Variants in LAMB2 observed in about 807,000 individuals in gnomAD.
The protein encoded by LAMB2 is laminin subunit beta 2.
LAMB2 carries 119 observed loss-of-function variants against 202.7 expected under a neutral mutation model. The ratio of observed to expected loss-of-function variants is 0.59; its 90% CI spans 0.51 to 0.68. LAMB2 has a LOEUF of 0.68. LAMB2 is among the 30% of genes least tolerant of loss of function. The probability of loss-of-function intolerance (pLI) is 0.00; values close to 1 mark genes in which losing one functional copy is unlikely to be tolerated. For missense variants in LAMB2, 2,124 were observed against 2,410.6 expected (o/e 0.88, Z 2.49); for synonymous variants, 818 against 902.2 (o/e 0.91, Z 1.67).
chr3:49,130,448 G>A lies in LAMB2; in HGVS notation c.1037-29C>T. The A allele has an allele frequency of 1.2e-6, 2 of 1,612,814 alleles. No individual in the cohort carries two copies. Among genetic ancestry groups the A allele is most frequent in the South Asian group, 2.2e-5 (2 of 91,052 alleles). ...GCAGGGGAGGAAGGGCAGGGCAAAG[G>A]CCACATGAGGAACCAGGTCACAAGG... On this transcript the variant is annotated intron_variant, in intron 8 of 31. Coordinates refer to ENST00000305544, the MANE Select transcript of LAMB2 (RefSeq NM_002292.4). The surrounding 1 kb of genome is among the most constrained non-coding windows in gnomAD (Gnocchi z 5.0).
At position 49,122,062 on chromosome 3, in the gene LAMB2, T is replaced by G. The variant is rs759468739; in HGVS notation, c.4805A>C (p.Gln1602Pro). 1.1e-5 allele frequency: 18 copies of G among 1,613,586 alleles called. 1 individual carries two copies. The South Asian group carries it at 1.9e-4, about 17-fold the overall frequency. ...TGCTGCCTGTACTGTCTCTGCCTTCTGTTTCTCATCCTCAGCCCAGCTCCT... is the reference window on the plus strand; with the variant it reads ...TGCTGCCTGTACTGTCTCTGCCTTCGGTTTCTCATCCTCAGCCCAGCTCCT... ...RARSWAEDEK[Q>P]KAETVQAALE... Residue 1602 changes from glutamine to proline, a missense_variant, in exon 29 of 32, where the codon CAG becomes CCG. Gln to Pro is a moderately conservative substitution (Grantham distance 76). This residue lies in a region of LAMB2 where 1,702 missense variants were observed against 1,896.3 expected (regional missense o/e 0.90). Coordinates refer to ENST00000305544, the MANE Select transcript of LAMB2 (RefSeq NM_002292.4).
Position 49,129,528 on chromosome 3 carries a change from G to T in LAMB2, c.1518+76C>A. 2.4e-6 allele frequency: 3 copies of T among 1,267,456 alleles called. No homozygotes were observed. The highest frequency in any genetic ancestry group is 3.4e-6 in the Non-Finnish European group (3 of 876,454). 78.5% of individuals were successfully genotyped at this position (1,267,456 alleles called of 1,614,324 possible). A position where few individuals can be genotyped will look rare whatever the true frequency, so the allele number is the denominator to read the frequency against. ...CTAAGCTCTCAGCACCCACCCACTG[G>T]CATAGATGTGACACCCCAGCCCTGT... On this transcript the variant is annotated intron_variant, in intron 11 of 31. Transcript: ENST00000305544. This position sits in a 1 kb window ranked among gnomAD's most constrained non-coding sequence, Gnocchi z 6.1.
At chr3:49,126,762 A>G (rs2107640836) in intron 15 of LAMB2, among the ~76,000 whole-genome samples, 1 of 152,270 alleles carries the variant, frequency 6.6e-6, no homozygotes, top group South Asian at 2.1e-4. Flanking sequence ...TGGAAATCCC[A>G]AGAACTTGCC....
At position 49,131,262 on chromosome 3, in the gene LAMB2, C is replaced by T; in HGVS notation, c.713-110G>A. Reference sequence around the variant, plus strand: ...TTGAAAGACCTCCTATACACTGCCACCCGAGCTAAACTGGGCTTGGCACCT... The same window carrying T: ...TTGAAAGACCTCCTATACACTGCCATCCGAGCTAAACTGGGCTTGGCACCT... On this transcript the variant is annotated intron_variant, in intron 6 of 31. Coordinates refer to ENST00000305544, the MANE Select transcript of LAMB2 (RefSeq NM_002292.4). This position sits in a 1 kb window ranked among gnomAD's most constrained non-coding sequence, Gnocchi z 5.0. 1 of 1,462,986 alleles carries T rather than the reference C, an allele frequency of 6.8e-7. No individual in the cohort carries two copies. Among genetic ancestry groups the T allele is most frequent in the Non-Finnish European group, 9.5e-7 (1 of 1,054,622 alleles). The allele number at this position is 1,462,986 out of a possible 1,614,324, so 90.6% of individuals were successfully genotyped here.
rs138816491 is a variant in LAMB2, at chr3:49,121,764, G to C, written c.5020C>G (p.Arg1674Gly). Residue 1674 changes from arginine to glycine, a missense_variant, in exon 30 of 32, where the codon CGG becomes GGG. Physicochemically the swap from Arg to Gly is moderately radical, Grantham distance 125. This residue lies in a region of LAMB2 where 1,702 missense variants were observed against 1,896.3 expected (regional missense o/e 0.90). Transcript: ENST00000305544. ...GAGGCTGCCAGACTATTTCCTGCCCGTTTCAATTTCAGAGCCTCCAGGAGA... is the reference window on the plus strand; with the variant it reads ...GAGGCTGCCAGACTATTTCCTGCCCCTTTCAATTTCAGAGCCTCCAGGAGA... ...DALLEALKLKRAGNSLAASTA... is the reference protein window; with the variant it reads ...DALLEALKLKGAGNSLAASTA... 1 of 1,613,438 alleles carries C rather than the reference G, an allele frequency of 6.2e-7. No individual in the cohort carries two copies. The highest frequency in any genetic ancestry group is 1.3e-5 in the African/African-American group (1 of 75,000).
Position 49,128,599 on chromosome 3 carries a change from A to G in LAMB2, c.1891-14T>C, listed in dbSNP as rs2107642251. The G allele has an allele frequency of 6.2e-7, 1 of 1,614,220 alleles. No homozygotes were observed. The highest frequency in any genetic ancestry group is 2.2e-5 in the East Asian group (1 of 44,892). ...TTGCTCAGGGACCTGGGAAAACGGG[A>G]TGATGGAGGAGATGCTCCCACACCC... On this transcript the variant is annotated splice_polypyrimidine_tract_variant and intron_variant, in intron 14 of 31. Transcript: ENST00000305544.
chr3:49,122,651 C>G, intron 27 of LAMB2, 53 bp downstream of exon 27: 1 of 1,424,720 alleles, frequency 7.0e-7, no homozygotes, highest in Non-Finnish European at 9.9e-7. Flanking sequence ...ATACAGACAC[C>G]GGGAGTTGCC....
Position 49,128,654 on chromosome 3 carries a change from G to A in LAMB2, c.1890+7C>T. 6.2e-7 allele frequency: 1 copy of A among 1,614,156 alleles called. No individual in the cohort carries two copies. The highest frequency in any genetic ancestry group is 8.5e-7 in the Non-Finnish European group (1 of 1,180,020). The stretch of plus-strand genomic sequence containing the variant: ...GTTCAGCCCCAGATTAGATAACAGG[G>A]TCTAACCTGGGGCTCTAAGCGCAGC... On this transcript the variant is annotated splice_region_variant and intron_variant, in intron 14 of 31. Coordinates refer to ENST00000305544, the MANE Select transcript of LAMB2 (RefSeq NM_002292.4).
In LAMB2 at chr3:49,131,768, C is replaced by A. The variant is rs554290695; in HGVS notation, c.460-45G>T. ...TGATCAGCAGGCACCAGGACCCAAG[C>A]CCAACCCAGAGCCATCAAGAGCCCT... is the stretch of plus-strand genomic sequence containing the variant. On this transcript the variant is annotated intron_variant, in intron 4 of 31. Transcript: ENST00000305544. The surrounding 1 kb of genome is among the most constrained non-coding windows in gnomAD (Gnocchi z 5.0). The A allele has an allele frequency of 6.9e-6, 11 of 1,602,072 alleles. No homozygotes were observed. The African/African-American group carries it at 1.5e-4, about 21-fold the overall frequency.
In LAMB2 at chr3:49,125,732, G is replaced by A. The variant is rs1575533565; in HGVS notation, c.2488+15C>T. On this transcript the variant is annotated intron_variant, in intron 18 of 31. Transcript: ENST00000305544. Reference sequence around the variant, plus strand: ...GAGAGAGAAGCATAGGAGGGAACAAGGGGCAGAAGAGTACCTTGACAGCCT... The same window carrying A: ...GAGAGAGAAGCATAGGAGGGAACAAAGGGCAGAAGAGTACCTTGACAGCCT... The A allele has an allele frequency of 3.7e-6, 6 of 1,612,520 alleles. No homozygotes were observed. Among genetic ancestry groups the A allele is most frequent in the Admixed American group, 3.3e-5 (2 of 59,924 alleles).
Position 49,130,528 on chromosome 3 carries a change from G to T in LAMB2, c.1037-109C>A, listed in dbSNP as rs908924191. ...CACAGGCCAGAATTTGTGGGTAGGG[G>T]CTCAGGGACTTCAAGGCCTCAGCAT... On this transcript the variant is annotated intron_variant, in intron 8 of 31. Coordinates refer to ENST00000305544, the MANE Select transcript of LAMB2 (RefSeq NM_002292.4). This position sits in a 1 kb window ranked among gnomAD's most constrained non-coding sequence, Gnocchi z 5.0. 11 of 1,415,986 alleles carry T rather than the reference G, an allele frequency of 7.8e-6. No individual in the cohort carries two copies. The highest frequency in any genetic ancestry group is 1.1e-5 in the Non-Finnish European group (11 of 1,006,808). The allele number at this position is 1,415,986 out of a possible 1,614,324, so 87.7% of individuals were successfully genotyped here. A position where few individuals can be genotyped will look rare whatever the true frequency, so the allele number is the denominator to read the frequency against.
In LAMB2 at chr3:49,128,596, G is replaced by C; in HGVS notation, c.1891-11C>G. The C allele has an allele frequency of 6.2e-7, 1 of 1,614,214 alleles. No individual in the cohort carries two copies. ...CCATTGCTCAGGGACCTGGGAAAAC[G>C]GGATGATGGAGGAGATGCTCCCACA... On this transcript the variant is annotated splice_polypyrimidine_tract_variant and intron_variant, in intron 14 of 31. Transcript: ENST00000305544.
chr3:49,123,320 GAC>G lies in LAMB2; in HGVS notation c.4034_4035del (p.Arg1345ProfsTer11). 6.2e-7 allele frequency: 1 copy of G among 1,614,068 alleles called. No individual in the cohort carries two copies. Among genetic ancestry groups the G allele is most frequent in the Non-Finnish European group, 8.5e-7 (1 of 1,180,022 alleles). On this transcript the variant is annotated frameshift_variant, in exon 26 of 32. Coordinates refer to ENST00000305544, the MANE Select transcript of LAMB2 (RefSeq NM_002292.4). LOFTEE classifies it high-confidence loss of function. ...HAHSQSAEAE[R>X]RANTSALAVP... ...ACTGCCAGGGCTGAGGTATTGGCACGACGTTCTGCCTCTGCAGACTGGCTATG... is the reference window on the plus strand; with the variant it reads ...ACTGCCAGGGCTGAGGTATTGGCACGGTTCTGCCTCTGCAGACTGGCTATG...
In LAMB2 at chr3:49,130,665, A is replaced by G. The variant is rs2045470509; in HGVS notation, c.1036+75T>C. 2 of 1,604,300 alleles carry G rather than the reference A, an allele frequency of 1.2e-6. No homozygotes were observed. The highest frequency in any genetic ancestry group is 1.3e-5 in the African/African-American group (1 of 74,824). On this transcript the variant is annotated intron_variant, in intron 8 of 31. Coordinates refer to ENST00000305544, the MANE Select transcript of LAMB2 (RefSeq NM_002292.4). This position sits in a 1 kb window ranked among gnomAD's most constrained non-coding sequence, Gnocchi z 5.0. ...AGCCTGGGTTTTAGGGGCTTGACCA[A>G]CTAGCTCTAGGTTCTACCCAGGGCA... is the stretch of plus-strand genomic sequence containing the variant.
intron 16 of LAMB2, 25 bp downstream of exon 16, chr3:49,126,340 G>C (rs778221113): frequency 1.2e-6 from 2 of 1,614,152 alleles, no homozygotes; most frequent in South Asian, 2.2e-5. Context: ...ATCTTGGTTG[G>C]TGTGGGCAAG....
Position 49,130,404 on chromosome 3 carries a change from C to A in LAMB2, c.1052G>T (p.Gly351Val), listed in dbSNP as rs757907609. The change falls in exon 9 of 32, where the codon GGG becomes GTG. Residue 351 changes from glycine to valine, a missense_variant. Physicochemically the swap from Gly to Val is moderately radical, Grantham distance 109. Transcript: ENST00000305544. The surrounding 1 kb of genome is among the most constrained non-coding windows in gnomAD (Gnocchi z 5.0). ...GTCGAAGTGGCAGCTGTGGGTGTGCCCATGGCACTCACACTCTGGCAGGGG... is the reference window on the plus strand; with the variant it reads ...GTCGAAGTGGCAGCTGTGGGTGTGCACATGGCACTCACACTCTGGCAGGGG... ...SHACRKCECH[G>V]HTHSCHFDMA... is the part of the protein sequence containing the mutation. The A allele has an allele frequency of 6.2e-7, 1 of 1,614,018 alleles. No homozygotes were observed. Among genetic ancestry groups the A allele is most frequent in the East Asian group, 2.2e-5 (1 of 44,882 alleles).
chr3:49,123,942 C>T lies in LAMB2; in HGVS notation c.3583G>A (p.Gly1195Arg), dbSNP rs137888590. 2.0e-5 allele frequency: 33 copies of T among 1,613,316 alleles called. No individual in the cohort carries two copies. Among genetic ancestry groups the T allele is most frequent in the East Asian group, 1.1e-4 (5 of 44,898 alleles). The change falls in exon 24 of 32, where the codon GGG becomes AGG. Residue 1195 changes from glycine (G) to arginine (R), a missense_variant. Around this residue, in one of 3 missense-constraint regions of LAMB2, gnomAD observed 1,702 missense variants for 1,896.3 expected, o/e 0.90. Transcript: ENST00000305544. ...TCCTGCACCACTCGGTCCCAATCCC[C>T]GAAGCATGCATGGCAGGGATGGCAG... Reference protein sequence around the residue: ...PACHPCHACFGDWDRVVQDLA... With the variant: ...PACHPCHACFRDWDRVVQDLA...
Position 49,125,385 on chromosome 3 carries a change from C to T in LAMB2, c.2588G>A (p.Arg863His), listed in dbSNP as rs146326783. 5.6e-5 allele frequency: 90 copies of T among 1,613,948 alleles called. No homozygotes were observed. The African/African-American group carries it at 7.3e-4, about 13-fold the overall frequency. ...RTGAFGLRCD[R>H]CQRGQWGFPS... The stretch of plus-strand genomic sequence containing the variant: ...GAATCCCCACTGGCCACGCTGGCAG[C>T]GGTCACAGCGAAGCCCAAAGGCACC... Residue 863 changes from arginine to histidine, a missense_variant, in exon 19 of 32, where the codon CGC (arginine) becomes CAC (histidine). Arg to His is a conservative substitution (Grantham distance 29). Coordinates refer to ENST00000305544, the MANE Select transcript of LAMB2 (RefSeq NM_002292.4).
Position 49,130,892 on chromosome 3 carries a change from T to G in LAMB2, c.916-32A>C, listed in dbSNP as rs766696117. Reference sequence around the variant, plus strand: ...AGGTTGGCAGGTAGGTTGTCAGCACTGCTCAGCCATGTCCGCCCCTGCCCC... The same window carrying G: ...AGGTTGGCAGGTAGGTTGTCAGCACGGCTCAGCCATGTCCGCCCCTGCCCC... On this transcript the variant is annotated intron_variant, in intron 7 of 31. Transcript: ENST00000305544. The surrounding 1 kb of genome is among the most constrained non-coding windows in gnomAD (Gnocchi z 5.0). 3.7e-6 allele frequency: 6 copies of G among 1,614,164 alleles called. No individual in the cohort carries two copies. The highest frequency in any genetic ancestry group is 5.1e-6 in the Non-Finnish European group (6 of 1,180,028).
Sources: allele counts gnomAD v4.1 joint callset (sites outside exome capture counted in the v4.1 genomes callset), GRCh38; gene constraint gnomAD v4.1.1; regional missense constraint gnomAD v4.1.1; non-coding constraint Gnocchi (gnomAD v3.1); transcripts MANE v1.5; gene names NCBI Gene and HGNC (gene_info 2026-07-23, HGNC 2026-07-21).